SNRK: variants seen among roughly 807,000 people sequenced by gnomAD.
SNRK encodes SNF-related serine/threonine-protein kinase.
In SNRK, 3 loss-of-function variants were observed where a neutral mutation model predicts 48.2. The observed-to-expected ratio is 0.06, with a 90% CI of 0.03 to 0.16. The LOEUF (loss-of-function observed/expected upper bound fraction) is 0.16. Ranked by LOEUF, SNRK falls within the 10% of genes least tolerant of loss-of-function variation. The pLI is 1.00. For synonymous variants in SNRK, 376 were observed against 366.1 expected (o/e 1.03, Z -0.31); for missense variants, 627 against 976.0 (o/e 0.64, Z 4.76).
intron 1 of SNRK, among the ~76,000 whole-genome samples, chr3:43,292,723 T>A (rs183058239): frequency 1.2e-4 from 18 of 152,342 alleles, no homozygotes; most frequent in African/African-American, 4.3e-4. Context: ...CTACTCCTGT[T>A]GAAGGATAAG....
chr3:43,291,730 ACT>A (rs1214166966), intron 1 of SNRK, among the ~76,000 whole-genome samples: 4 of 152,162 alleles, frequency 2.6e-5, no homozygotes, highest in South Asian at 2.1e-4. Flanking sequence ...CTGTCATGCC[ACT>A]CTGCATATGT....
chr3:43,310,907 C>G (rs1218426620), intron 3 of SNRK, among the ~76,000 whole-genome samples: 1 of 152,030 alleles, frequency 6.6e-6, no homozygotes, highest in Non-Finnish European at 1.5e-5. Flanking sequence ...CTTGGTTCCT[C>G]TCTCTCATTG....
intron 1 of SNRK, among the ~76,000 whole-genome samples, chr3:43,292,708 T>G (rs1264096412): frequency 6.6e-6 from 1 of 152,240 alleles, no homozygotes; most frequent in Admixed American, 6.5e-5. Flanking sequence ...AGGAATGGTG[T>G]TCCTCTACTC....
At position 43,340,884 on chromosome 3, in the gene SNRK, C is replaced by CT. The variant is rs553926240; in HGVS notation, c.944+386dup. ...AACAGTACCACCTGCCTAGAGTCCT[C>CT]TAAGTCAGGAGTTGGTAAATGCTGC... On this transcript the variant is annotated intron_variant, in intron 5 of 6. Transcript: ENST00000296088. 2.0e-4 allele frequency among the ~76,000 whole-genome samples: 30 copies of CT among 152,316 alleles called. No individual in the cohort carries two copies. The East Asian group carries it at 5.4e-3, about 27-fold the overall frequency.
At chr3:43,307,489 T>C (rs1469630301) in intron 3 of SNRK, among the ~76,000 whole-genome samples, 1 of 152,240 alleles carries the variant, frequency 6.6e-6, no homozygotes, top group East Asian at 1.9e-4. Flanking sequence ...CATGCCTCTC[T>C]GTCACATTTT....
chr3:43,311,415 G>T (rs756994377), intron 3 of SNRK, among the ~76,000 whole-genome samples: 4 of 152,052 alleles, frequency 2.6e-5, no homozygotes, highest in African/African-American at 9.7e-5. Flanking sequence ...TGTTTCTGTC[G>T]TATCTAGGGA....
In SNRK at chr3:43,349,306, A is replaced by T. The variant is rs2091304416; in HGVS notation, c.*749A>T. 6.6e-6 allele frequency: 1 copy of T among 152,668 alleles called. No individual in the cohort carries two copies. The highest frequency in any genetic ancestry group is 6.5e-5 in the Admixed American group (1 of 15,282). 9.5% of individuals were successfully genotyped at this position (152,668 alleles called of 1,614,324 possible). On this transcript the variant is annotated 3_prime_UTR_variant, in exon 7 of 7. Transcript: ENST00000296088. ...TATTTTGTAATGTGATGAAGTGATG[A>T]TGTCTTAACTCTACTTAGAGAGTGT... is the stretch of plus-strand genomic sequence containing the variant.
intron 1 of SNRK, among the ~76,000 whole-genome samples, chr3:43,293,285 C>G (rs112636749): frequency 1.3e-5 from 2 of 152,150 alleles, no homozygotes; most frequent in African/African-American, 4.8e-5. Flanking sequence ...TACCCTCTTT[C>G]TCAGAGGAAG....
rs866646317 is a variant in SNRK at position 43,340,197 on chromosome 3, A to G, written c.732-90A>G. The G allele has an allele frequency of 7.3e-5, 74 of 1,017,056 alleles. 1 individual carries two copies. In the Middle Eastern group the frequency reaches 6.7e-3, roughly 92 times the overall value. The allele number at this position is 1,017,056 out of a possible 1,614,324, so 63.0% of individuals were successfully genotyped here. On this transcript the variant is annotated intron_variant, in intron 4 of 6. Transcript: ENST00000296088. ...TAGTGCACCTAATTTAATTGATGGT[A>G]TAGGAAATCATTTTTGTTAATAAAA...
chr3:43,321,762 C>G (rs574799054), intron 3 of SNRK, among the ~76,000 whole-genome samples: 3 of 152,142 alleles, frequency 2.0e-5, no homozygotes, highest in Non-Finnish European at 2.9e-5. Flanking sequence ...CTTATGGGCA[C>G]CTCTGGAGGT....
chr3:43,292,424 G>A (rs1575528867), intron 1 of SNRK, among the ~76,000 whole-genome samples: 2 of 152,044 alleles, frequency 1.3e-5, no homozygotes, highest in East Asian at 1.9e-4. Flanking sequence ...CTTTAATGAC[G>A]CTTTGACTAA....
In SNRK at chr3:43,348,371, A is replaced by C. The variant is rs1053127526; in HGVS notation, c.2112A>C (p.Ile704=). 36 of 1,607,612 alleles carry C rather than the reference A, an allele frequency of 2.2e-5. No individual in the cohort carries two copies. Among genetic ancestry groups the C allele is most frequent in the Non-Finnish European group, 3.1e-5 (36 of 1,177,332 alleles). The change falls in exon 7 of 7, where the codon ATA becomes ATC. Residue 704 remains isoleucine (I), a synonymous_variant. Coordinates refer to ENST00000296088, the MANE Select transcript of SNRK (RefSeq NM_017719.5). The part of the protein sequence containing the change: ...NAGQVPAVGG[I]KFFSDHMADT... The stretch of plus-strand genomic sequence containing the variant: ...GGCAGGTCCCTGCAGTGGGCGGCAT[A>C]AAGTTTTTCTCTGACCACATGGCAG...
intron 3 of SNRK, among the ~76,000 whole-genome samples, chr3:43,307,211 TAA>T (rs1053363600): frequency 8.5e-5 from 13 of 152,228 alleles, no homozygotes; most frequent in African/African-American, 2.4e-4. Context: ...ATAAAGATAT[TAA>T]AAGTTTCTAA....
Position 43,303,364 on chromosome 3 carries a change from C to G in SNRK, c.161C>G (p.Thr54Ser). The G allele has an allele frequency of 6.2e-7, 1 of 1,614,150 alleles. No homozygotes were observed. Among genetic ancestry groups the G allele is most frequent in the Non-Finnish European group, 8.5e-7 (1 of 1,180,032 alleles). ...GTTATTGACAAGACAAAACTGGACA[C>G]TCTAGCTACTGGTCATCTTTTCCAG... Reference protein sequence around the residue: ...VKVIDKTKLDTLATGHLFQEV... With the variant: ...VKVIDKTKLDSLATGHLFQEV... Residue 54 changes from threonine (T) to serine (S), a missense_variant, in exon 3 of 7, where the codon ACT becomes AGT. Transcript: ENST00000296088. The surrounding 1 kb of genome is among the most constrained non-coding windows in gnomAD (Gnocchi z 6.2).
chr3:43,302,297 A>G (rs529938601), intron 2 of SNRK, among the ~76,000 whole-genome samples: 11 of 152,324 alleles, frequency 7.2e-5, no homozygotes, highest in African/African-American at 2.4e-4. Flanking sequence ...AGCACCTACT[A>G]TGTGCCAGGA....
Position 43,348,170 on chromosome 3 carries a change from T to C in SNRK, c.1911T>C (p.Ser637=), listed in dbSNP as rs769389113. ...AGPSNSMQLA[S]RSAGELVESL... ...CCAGCAACTCCATGCAGCTGGCCTCTCGCAGTGCTGGGGAGCTCGTTGAGA... is the reference window on the plus strand; with the variant it reads ...CCAGCAACTCCATGCAGCTGGCCTCCCGCAGTGCTGGGGAGCTCGTTGAGA... Residue 637 remains serine, a synonymous_variant, in exon 7 of 7, where the codon TCT becomes TCC. Coordinates refer to ENST00000296088, the MANE Select transcript of SNRK (RefSeq NM_017719.5). The C allele has an allele frequency of 1.9e-6, 3 of 1,588,106 alleles. No individual in the cohort carries two copies. The highest frequency in any genetic ancestry group is 3.6e-5 in the Admixed American group (2 of 55,962).
Position 43,286,669 on chromosome 3 carries a change from G to A in SNRK, c.-175G>A, listed in dbSNP as rs2090765608. The A allele has an allele frequency of 2.0e-5, 3 of 149,676 alleles. No individual in the cohort carries two copies. Among genetic ancestry groups the A allele is most frequent in the Admixed American group, 2.0e-4 (3 of 15,068 alleles). The allele number at this position is 149,676 out of a possible 1,614,324, so 9.3% of individuals were successfully genotyped here. A position where few individuals can be genotyped will look rare whatever the true frequency, so the allele number is the denominator to read the frequency against. ...CGCTGCGGACGGACGCTCGCCTGCCGGCTGAGGTAGGGGCGAGCGCGGAGC... is the reference window on the plus strand; with the variant it reads ...CGCTGCGGACGGACGCTCGCCTGCCAGCTGAGGTAGGGGCGAGCGCGGAGC... On this transcript the variant is annotated 5_prime_UTR_variant, in exon 1 of 7. Transcript: ENST00000296088.
rs1405065551 is a variant in SNRK, at chr3:43,292,144, A to C, written c.-169+5469A>C. 3.9e-5 allele frequency among the ~76,000 whole-genome samples: 6 copies of C among 152,312 alleles called. No individual in the cohort carries two copies. The East Asian group carries it at 1.2e-3, about 29-fold the overall frequency. ...AAAATTAGAAATAAGACAAAAATCC[A>C]TGGTTTTGCTTTACTCGTTTCTGTA... On this transcript the variant is annotated intron_variant, in intron 1 of 6. Coordinates refer to ENST00000296088, the MANE Select transcript of SNRK (RefSeq NM_017719.5).
chr3:43,340,447 A>G lies in SNRK; in HGVS notation c.892A>G (p.Ile298Val). ...TCTCTCGGAAGAGGAGCACAACAGC[A>G]TCATTCAGCGCATGGTGCTTGGGGA... Reference protein sequence around the residue: ...KNLSEEEHNSIIQRMVLGDIA... With the variant: ...KNLSEEEHNSVIQRMVLGDIA... Residue 298 changes from isoleucine (I) to valine (V), a missense_variant, in exon 5 of 7, where the codon ATC (isoleucine) becomes GTC (valine). Physicochemically the swap from Ile to Val is conservative, Grantham distance 29. Around this residue, in one of 4 missense-constraint regions of SNRK, gnomAD observed 175 missense variants for 209.7 expected, o/e 0.83. Transcript: ENST00000296088. The G allele has an allele frequency of 6.2e-7, 1 of 1,614,206 alleles. No homozygotes were observed. The highest frequency in any genetic ancestry group is 8.5e-7 in the Non-Finnish European group (1 of 1,180,032).
Sources: gnomAD v4.1 joint callset for allele counts (sites outside exome capture counted in the v4.1 genomes callset) on GRCh38, gnomAD v4.1.1 for gene constraint, gnomAD v4.1.1 regional missense constraint, Gnocchi (gnomAD v3.1) non-coding constraint, MANE v1.5 for transcripts, NCBI Gene and HGNC (gene_info 2026-07-23, HGNC 2026-07-21) for gene names.